RXFP1: variants seen among roughly 807,000 people sequenced by gnomAD.
The protein encoded by RXFP1 is relaxin family peptide receptor 1, also known as relaxin receptor 1.
RXFP1 carries 73 observed loss-of-function variants against 89.8 expected under a neutral mutation model. The observed-to-expected ratio is 0.81, with a 90% CI of 0.67 to 0.99. RXFP1 has a LOEUF of 0.99. Ranked by LOEUF, RXFP1 falls within the 50% of genes least tolerant of loss-of-function variation. The pLI, the probability that RXFP1 is intolerant of heterozygous loss-of-function variation, is 0.00. For synonymous variants in RXFP1, 277 were observed against 305.5 expected (o/e 0.91, Z 0.97); for missense variants, 793 against 895.5 (o/e 0.89, Z 1.46).
chr4:158,569,213 A>G (rs979884002), intron 1 of RXFP1, among the ~76,000 whole-genome samples: 7 of 152,226 alleles, frequency 4.6e-5, no homozygotes, highest in African/African-American at 1.4e-4. Context: ...AGCCAGTTTG[A>G]AAAGGCTACC....
chr4:158,626,636 A>T (rs1766897292), intron 9 of RXFP1, among the ~76,000 whole-genome samples, 184 bp from the exon 10 acceptor site: 1 of 152,086 alleles, frequency 6.6e-6, no homozygotes, highest in Non-Finnish European at 1.5e-5. Context: ...CATAGAAAAA[A>T]GTGTATAATA....
chr4:158,604,880 G>C (rs892458986), intron 4 of RXFP1, among the ~76,000 whole-genome samples, 188 bp from the exon 5 acceptor site: 1 of 152,046 alleles, frequency 6.6e-6, no homozygotes. Flanking sequence ...AAAATGAATA[G>C]CTTTAATAGT....
chr4:158,643,965 G>A (rs1770945468), intron 14 of RXFP1, among the ~76,000 whole-genome samples: 1 of 150,732 alleles, frequency 6.6e-6, no homozygotes, highest in Admixed American at 6.6e-5. Flanking sequence ...CCTCATTGTG[G>A]TTTTAATTTG....
intron 14 of RXFP1, among the ~76,000 whole-genome samples, chr4:158,642,205 G>A (rs961611127): frequency 6.6e-6 from 1 of 151,740 alleles, no homozygotes; most frequent in Non-Finnish European, 1.5e-5. Flanking sequence ...GGGGTACATA[G>A]TGATGTTTTG....
chr4:158,586,127 T>G (rs1469631452), intron 2 of RXFP1, among the ~76,000 whole-genome samples: 1 of 152,244 alleles, frequency 6.6e-6, no homozygotes, highest in Admixed American at 6.5e-5. Flanking sequence ...GAGTCTCCAG[T>G]GGAGAAGCCT....
intron 1 of RXFP1, among the ~76,000 whole-genome samples, chr4:158,567,524 T>G (rs902092745): frequency 5.3e-5 from 8 of 150,458 alleles, no homozygotes; most frequent in Admixed American, 2.0e-4. Flanking sequence ...CCATATCTAG[T>G]TAATCTGGTG....
At chr4:158,641,129 AG>A (rs1437490271) in intron 14 of RXFP1, among the ~76,000 whole-genome samples, 1 of 152,264 alleles carries the variant, frequency 6.6e-6, no homozygotes, top group African/African-American at 2.4e-5. Flanking sequence ...ATAGTTCCTC[AG>A]AAAGATGGCT....
At chr4:158,597,517 G>A (rs1379152701) in intron 3 of RXFP1, among the ~76,000 whole-genome samples, 4 of 151,518 alleles carry the variant, frequency 2.6e-5, no homozygotes, top group South Asian at 2.1e-4. Context: ...TTAGCATTTC[G>A]GCATAATCAG....
chr4:158,624,908 A>G (rs1001931699), intron 9 of RXFP1, among the ~76,000 whole-genome samples: 2 of 152,290 alleles, frequency 1.3e-5, no homozygotes, highest in Non-Finnish European at 2.9e-5. Context: ...TAAACTACCA[A>G]TTTAATCAAA....
chr4:158,568,785 C>G (rs1579691865), intron 1 of RXFP1, among the ~76,000 whole-genome samples: 1 of 152,178 alleles, frequency 6.6e-6, no homozygotes, highest in African/African-American at 2.4e-5. Flanking sequence ...TTGCTTCTCT[C>G]TATGAGAATG....
intron 14 of RXFP1, among the ~76,000 whole-genome samples, chr4:158,641,972 C>T (rs192298845): frequency 6.6e-6 from 1 of 152,262 alleles, no homozygotes; most frequent in Admixed American, 6.5e-5. Flanking sequence ...TATTTATCAA[C>T]AAGGAAATTC....
At chr4:158,553,135 G>T (rs1401348193) in intron 1 of RXFP1, among the ~76,000 whole-genome samples, 2 of 152,170 alleles carry the variant, frequency 1.3e-5, no homozygotes, top group Non-Finnish European at 2.9e-5. Flanking sequence ...GCTGCAGTGA[G>T]CTCTGATCAT....
chr4:158,620,170 CA>C (rs1359933458), intron 9 of RXFP1, among the ~76,000 whole-genome samples: 6 of 151,886 alleles, frequency 4.0e-5, no homozygotes, highest in African/African-American at 1.5e-4. Context: ...AAAAGAGAAA[CA>C]AAAAATTATT....
rs368583777 is a variant in RXFP1 at position 158,532,051 on chromosome 4, T to G, written c.49+10026T>G. 1.9e-4 allele frequency among the ~76,000 whole-genome samples: 29 copies of G among 152,314 alleles called. 1 individual carries two copies. The East Asian group carries it at 5.2e-3, about 27-fold the overall frequency. ...CCCGTCACCCAAGTAATGAACATAC[T>G]GCCTGATAGGCAGTTTTTCAGAATT... On this transcript the variant is annotated intron_variant, in intron 1 of 17. Coordinates refer to ENST00000307765, the MANE Select transcript of RXFP1 (RefSeq NM_021634.4).
At chr4:158,623,531 A>C (rs1766088256) in intron 9 of RXFP1, among the ~76,000 whole-genome samples, 1 of 148,958 alleles carries the variant, frequency 6.7e-6, no homozygotes, top group East Asian at 1.9e-4. Context: ...AAAAAAGATA[A>C]TCCACTACTT....
chr4:158,651,728 A>C, intron 17 of RXFP1, 29 bp from the exon 18 acceptor site: 1 of 1,551,038 alleles, frequency 6.4e-7, no homozygotes, highest in Middle Eastern at 1.9e-4. Flanking sequence ...ATCTATAAAC[A>C]CTAAAACTAT....
At chr4:158,580,893 G>A (rs1220031068) in intron 2 of RXFP1, among the ~76,000 whole-genome samples, 1 of 152,154 alleles carries the variant, frequency 6.6e-6, no homozygotes, top group African/African-American at 2.4e-5. Flanking sequence ...CGCCTCCCAG[G>A]TTCAAGTGAT....
intron 1 of RXFP1, among the ~76,000 whole-genome samples, chr4:158,554,278 G>GT (rs554772817): frequency 9.5e-4 from 144 of 151,568 alleles, no homozygotes; most frequent in African/African-American, 9.4e-4. Flanking sequence ...TAACGTCAGA[G>GT]TTTTTTTTTA....
At chr4:158,597,628 T>A (rs950666030) in intron 3 of RXFP1, among the ~76,000 whole-genome samples, 1 of 152,244 alleles carries the variant, frequency 6.6e-6, no homozygotes, top group Admixed American at 6.5e-5. Context: ...TGGATATTTA[T>A]GTGTTGTTTT....
Sources: allele counts gnomAD v4.1 joint callset (sites outside exome capture counted in the v4.1 genomes callset), GRCh38; gene constraint gnomAD v4.1.1; transcripts MANE v1.5; gene names NCBI Gene and HGNC (gene_info 2026-07-23, HGNC 2026-07-21).